Variants in GFOD1 observed in about 807,000 individuals in gnomAD.
GFOD1 encodes the protein Gfo/Idh/MocA-like oxidoreductase domain containing 1.
GFOD1 carries 9 observed loss-of-function variants against 25.4 expected under a neutral mutation model. That is an observed-to-expected ratio of 0.35 (90% CI 0.21 to 0.62). The LOEUF is 0.62. Among genes scored for constraint, GFOD1 ranks in the 20% least tolerant of loss-of-function variants. The pLI is 0.72. For synonymous variants in GFOD1, 253 were observed against 245.6 expected (o/e 1.03, Z -0.28); for missense variants, 403 against 556.9 (o/e 0.72, Z 2.78).
At chr6:13,470,442 C>A in intron 1 of GFOD1, 1 of 1,550,222 alleles carries the variant, frequency 6.5e-7, no homozygotes, top group Non-Finnish European at 8.7e-7. Flanking sequence ...TTAAGTTAGA[C>A]AGGCTGCATC....
chr6:13,408,423 G>A (rs1429700127), intron 1 of GFOD1, among the ~76,000 whole-genome samples: 1 of 152,186 alleles, frequency 6.6e-6, no homozygotes, highest in Admixed American at 6.5e-5. Context: ...ATTGTGAAGC[G>A]AGAATAGCTT....
intron 1 of GFOD1, among the ~76,000 whole-genome samples, chr6:13,474,610 T>C (rs1427459555): frequency 1.3e-5 from 2 of 152,178 alleles, no homozygotes; most frequent in African/African-American, 2.4e-5. Flanking sequence ...TGTTTGCCTA[T>C]GCGCTCTTCT....
chr6:13,475,401 C>G (rs1758596590), intron 1 of GFOD1, among the ~76,000 whole-genome samples: 1 of 151,628 alleles, frequency 6.6e-6, no homozygotes, highest in African/African-American at 2.4e-5. Context: ...TGGTGAAAAC[C>G]CATCTCTACT....
chr6:13,452,764 T>C (rs1758121452), intron 1 of GFOD1, among the ~76,000 whole-genome samples: 1 of 149,438 alleles, frequency 6.7e-6, no homozygotes, highest in South Asian at 2.1e-4. Context: ...TTCTTCACTC[T>C]GTATGACAAA....
intron 1 of GFOD1, among the ~76,000 whole-genome samples, chr6:13,367,004 TTAGA>T (rs1469696288): frequency 1.3e-5 from 2 of 151,936 alleles, no homozygotes; most frequent in Admixed American, 6.6e-5. Flanking sequence ...ATACAAAATA[TTAGA>T]TAGTACTATT....
chr6:13,428,296 A>C (rs1352472136), intron 1 of GFOD1, among the ~76,000 whole-genome samples: 1 of 152,134 alleles, frequency 6.6e-6, no homozygotes, highest in Non-Finnish European at 1.5e-5. Flanking sequence ...TTCTCGTCCT[A>C]GTGCCTCTTT....
At chr6:13,438,850 C>T (rs1262588402) in intron 1 of GFOD1, among the ~76,000 whole-genome samples, 1 of 152,154 alleles carries the variant, frequency 6.6e-6, no homozygotes, top group Non-Finnish European at 1.5e-5. Flanking sequence ...TGTACTGGAG[C>T]TGGTACTTAG....
intron 1 of GFOD1, among the ~76,000 whole-genome samples, chr6:13,396,573 G>C (rs1562205074): frequency 6.6e-6 from 1 of 152,228 alleles, no homozygotes; most frequent in Non-Finnish European, 1.5e-5. Context: ...AAGAGACTTT[G>C]TAGGTGGGAT....
In GFOD1 at chr6:13,359,082, G is replaced by A. The variant is rs555987420; in HGVS notation, c.*5661C>T. 2.1e-4 allele frequency: 32 copies of A among 152,438 alleles called. No individual in the cohort carries two copies. The highest frequency in any genetic ancestry group is 7.2e-4 in the African/African-American group (30 of 41,586). 9.4% of individuals were successfully genotyped at this position (152,438 alleles called of 1,614,324 possible). A position where few individuals can be genotyped will look rare whatever the true frequency, so the allele number is the denominator to read the frequency against. On this transcript the variant is annotated 3_prime_UTR_variant, in exon 2 of 2. Coordinates refer to ENST00000379287, the MANE Select transcript of GFOD1 (RefSeq NM_018988.4). ...TGAGCCCATCACCTTTTAAAGAAGCGCAGGAGGTCTTGACTCTTCCTATGA... is the reference window on the plus strand; with the variant it reads ...TGAGCCCATCACCTTTTAAAGAAGCACAGGAGGTCTTGACTCTTCCTATGA...
intron 1 of GFOD1, chr6:13,486,247 T>TCCCCCCCCCC (rs373896526): frequency 1.0e-4 from 12 of 116,330 alleles, no homozygotes; most frequent in East Asian, 5.0e-4. Context: ...CACCCCCCCA[T>TCCCCCCCCCC]CCCCCCCCCC....
chr6:13,410,005 G>GTTTTTTT (rs56252038), intron 1 of GFOD1, among the ~76,000 whole-genome samples: 2 of 121,600 alleles, frequency 1.6e-5, no homozygotes, highest in Non-Finnish European at 3.2e-5. Flanking sequence ...CGGATTTTTA[G>GTTTTTTT]TTTTTTTTTT....
rs1758897419 is a variant in GFOD1 at position 13,487,365 on chromosome 6, G to T, written c.-475C>A. 6.4e-6 allele frequency: 1 copy of T among 155,586 alleles called. No homozygotes were observed. Among genetic ancestry groups the T allele is most frequent in the Non-Finnish European group, 1.4e-5 (1 of 70,504 alleles). The allele number at this position is 155,586 out of a possible 1,614,324, so 9.6% of individuals were successfully genotyped here. On this transcript the variant is annotated 5_prime_UTR_variant, in exon 1 of 2. Transcript: ENST00000379287. This position sits in a 1 kb window ranked among gnomAD's most constrained non-coding sequence, Gnocchi z 4.9. ...AGACAAACGTCTACACCCTGCCAGA[G>T]CACGGAACCGCTCCGCGGGGGAGTC...
intron 1 of GFOD1, among the ~76,000 whole-genome samples, chr6:13,435,723 A>G (rs549311888): frequency 6.6e-6 from 1 of 152,326 alleles, no homozygotes; most frequent in Admixed American, 6.5e-5. Context: ...TCCTGTGCAC[A>G]AAGTGTGGGC....
chr6:13,449,400 T>C (rs1430893083), intron 1 of GFOD1, among the ~76,000 whole-genome samples: 2 of 152,212 alleles, frequency 1.3e-5, no homozygotes, highest in Non-Finnish European at 2.9e-5. Context: ...CCCACAGTTC[T>C]TGCCATGAAG....
chr6:13,453,232 G>A (rs1371457364), intron 1 of GFOD1, among the ~76,000 whole-genome samples: 1 of 152,284 alleles, frequency 6.6e-6, no homozygotes, highest in Admixed American at 6.5e-5. Context: ...CTTCCAGGTC[G>A]ATCCAGGTGC....
At chr6:13,402,041 T>C (rs1264057625) in intron 1 of GFOD1, among the ~76,000 whole-genome samples, 1 of 152,224 alleles carries the variant, frequency 6.6e-6, no homozygotes, top group African/African-American at 2.4e-5. Flanking sequence ...AATTTTATCT[T>C]ACGATCAACA....
Position 13,368,388 on chromosome 6 carries a change from A to G in GFOD1, c.254-2726T>C, listed in dbSNP as rs181000529. Among the ~76,000 whole-genome samples, 43 of 152,370 alleles carry G rather than the reference A, an allele frequency of 2.8e-4. 1 individual carries two copies. The East Asian group carries it at 3.5e-3, about 12-fold the overall frequency. On this transcript the variant is annotated intron_variant, in intron 1 of 1. Transcript: ENST00000379287. ...ACTGAGGCTCCGGCAGAGAGATAAG[A>G]TAACATTGGTTTGTATCGCCAAAAG... is the stretch of plus-strand genomic sequence containing the variant.
intron 1 of GFOD1, among the ~76,000 whole-genome samples, chr6:13,447,293 G>C (rs1758018199): frequency 6.6e-6 from 1 of 152,148 alleles, no homozygotes; most frequent in African/African-American, 2.4e-5. Context: ...TCCTTGGCTG[G>C]TAGATGCATC....
At chr6:13,433,234 C>T (rs576958072) in intron 1 of GFOD1, among the ~76,000 whole-genome samples, 1 of 152,154 alleles carries the variant, frequency 6.6e-6, no homozygotes, top group South Asian at 2.1e-4. Context: ...CTTCTCCTGC[C>T]TCAGCCTCTC....
Sources: allele counts gnomAD v4.1 joint callset (sites outside exome capture counted in the v4.1 genomes callset), GRCh38; gene constraint gnomAD v4.1.1; non-coding constraint Gnocchi (gnomAD v3.1); transcripts MANE v1.5; gene names NCBI Gene and HGNC (gene_info 2026-07-23, HGNC 2026-07-21).